Variants in INSR observed in about 807,000 individuals in gnomAD.
INSR encodes the protein IR.
A neutral mutation model predicts 142.6 loss-of-function variants in INSR; 67 were observed. The ratio of observed to expected loss-of-function variants is 0.47; its 90% CI spans 0.39 to 0.58. The LOEUF is 0.58. INSR is among the 20% of genes least tolerant of loss of function. The pLI, the probability that INSR is intolerant of heterozygous loss-of-function variation, is 0.00. For synonymous variants in INSR, 756 were observed against 743.1 expected (o/e 1.02, Z -0.28); for missense variants, 1,248 against 1,833.2 (o/e 0.68, Z 5.83).
At position 7,119,349 on chromosome 19, in the gene INSR, T is replaced by A. The variant is rs1271381824; in HGVS notation, c.3794+100A>T. 1 of 1,340,268 alleles carries A rather than the reference T, an allele frequency of 7.5e-7. No homozygotes were observed. Among genetic ancestry groups the A allele is most frequent in the Admixed American group, 1.7e-5 (1 of 59,534 alleles). 83.0% of individuals were successfully genotyped at this position (1,340,268 alleles called of 1,614,324 possible). A position where few individuals can be genotyped will look rare whatever the true frequency, so the allele number is the denominator to read the frequency against. ...TGTAACATACAGCATGCAAACACGG[T>A]GAGCGTGTAGACATAGGAAAGGCAA... On this transcript the variant is annotated intron_variant, in intron 21 of 21. Coordinates refer to ENST00000302850, the MANE Select transcript of INSR (RefSeq NM_000208.4). The surrounding 1 kb of genome is among the most constrained non-coding windows in gnomAD (Gnocchi z 5.2).
chr19:7,130,810 ATCTC>A (rs1156443486), intron 14 of INSR, among the ~76,000 whole-genome samples: 1 of 147,948 alleles, frequency 6.8e-6, no homozygotes, highest in African/African-American at 2.5e-5. Flanking sequence ...TCTTTCTTTT[ATCTC>A]TCTTTTTCTC....
intron 2 of INSR, among the ~76,000 whole-genome samples, chr19:7,255,360 A>T (rs1368901463): frequency 6.6e-6 from 1 of 152,094 alleles, no homozygotes; most frequent in African/African-American, 2.4e-5. Flanking sequence ...TCATGACGGC[A>T]TTGGAGCCCA....
At position 7,115,410 on chromosome 19, in the gene INSR, T is replaced by G. The variant is rs1400150597; in HGVS notation, c.*1646A>C. 6.6e-6 allele frequency: 1 copy of G among 152,178 alleles called. No homozygotes were observed. The highest frequency in any genetic ancestry group is 1.5e-5 in the Non-Finnish European group (1 of 68,036). The allele number at this position is 152,178 out of a possible 1,614,324, so 9.4% of individuals were successfully genotyped here. On this transcript the variant is annotated 3_prime_UTR_variant, in exon 22 of 22. Coordinates refer to ENST00000302850, the MANE Select transcript of INSR (RefSeq NM_000208.4). ...TCTACTCTCTTAGGGATTGCAACAC[T>G]GTAAGCACCTGAGCATTCAGCTCAG...
At chr19:7,146,368 A>C (rs1262869071) in intron 11 of INSR, among the ~76,000 whole-genome samples, 1 of 151,202 alleles carries the variant, frequency 6.6e-6, no homozygotes. Flanking sequence ...CAGCCTCCCA[A>C]GTAGCTGGGA....
At chr19:7,154,623 C>T (rs1973543223) in intron 9 of INSR, among the ~76,000 whole-genome samples, 1 of 150,696 alleles carries the variant, frequency 6.6e-6, no homozygotes, top group African/African-American at 2.4e-5. Flanking sequence ...TTGCACCAAC[C>T]TAATAGAAAC....
rs190939565 is a variant in INSR at position 7,154,881 on chromosome 19, G to A, written c.2030-1954C>T. 3.6e-4 allele frequency among the ~76,000 whole-genome samples: 55 copies of A among 152,064 alleles called. No individual in the cohort carries two copies. In the East Asian group the frequency reaches 9.1e-3, roughly 25 times the overall value. ...AGAGGTTGCAGTGAGCCGAGATTGA[G>A]CCATTGCACTCCAGCCTAGGCGACA... On this transcript the variant is annotated intron_variant, in intron 9 of 21. Transcript: ENST00000302850.
At position 7,293,882 on chromosome 19, in the gene INSR, C is replaced by G; in HGVS notation, c.10G>C (p.Gly4Arg). 3 of 1,234,884 alleles carry G rather than the reference C, an allele frequency of 2.4e-6. No individual in the cohort carries two copies. The highest frequency in any genetic ancestry group is 2.0e-6 in the Non-Finnish European group (2 of 994,896). The allele number at this position is 1,234,884 out of a possible 1,614,324, so 76.5% of individuals were successfully genotyped here. Residue 4 changes from glycine (G) to arginine (R), a missense_variant, in exon 1 of 22, where the codon GGG becomes CGG. This residue lies in a region of INSR where 57 missense variants were observed against 49.5 expected (regional missense o/e 1.15). Transcript: ENST00000302850. ...GCGGCCGCCGCCCCCCGCCGGCCCCCGGTGGCCATGGCTGCGGGAGCGCGG... is the reference window on the plus strand; with the variant it reads ...GCGGCCGCCGCCCCCCGCCGGCCCCGGGTGGCCATGGCTGCGGGAGCGCGG... MAT[G>R]GRRGAAAAPL...
chr19:7,233,863 A>T (rs2145133329), intron 2 of INSR, among the ~76,000 whole-genome samples: 1 of 149,852 alleles, frequency 6.7e-6, no homozygotes, highest in African/African-American at 2.5e-5. Flanking sequence ...TTTTTAGTAG[A>T]GACAGGGTTT....
rs59739401 is a variant in INSR at position 7,118,914 on chromosome 19, CAAAAAAAAA to C, written c.3794+526_3794+534del. 2.9e-4 allele frequency among the ~76,000 whole-genome samples: 20 copies of C among 68,886 alleles called. 1 individual carries two copies. Among genetic ancestry groups the C allele is most frequent in the East Asian group, 2.5e-3 (6 of 2,442 alleles). The allele number at this position is 68,886 out of a possible 152,430, so 45.2% of individuals were successfully genotyped here. ...TGGGTGACAGAGCAAGATTCCGTCT[CAAAAAAAAA>C]AAAAAAAAAAAAAAAATTAACAGGC... On this transcript the variant is annotated intron_variant, in intron 21 of 21. Coordinates refer to ENST00000302850, the MANE Select transcript of INSR (RefSeq NM_000208.4).
At chr19:7,229,332 A>ATAGATG (rs1568204425) in intron 2 of INSR, among the ~76,000 whole-genome samples, 31 of 81,988 alleles carry the variant, frequency 3.8e-4, no homozygotes, top group East Asian at 1.2e-3. Context: ...ATGGATGGAT[A>ATAGATG]GATGGATGGA....
At chr19:7,257,580 A>G (rs1202258638) in intron 2 of INSR, among the ~76,000 whole-genome samples, 4 of 150,624 alleles carry the variant, frequency 2.7e-5, no homozygotes, top group Non-Finnish European at 4.4e-5. Flanking sequence ...AATTACAACT[A>G]CTGTGGAATT....
At chr19:7,197,586 G>A (rs1206820487) in intron 2 of INSR, among the ~76,000 whole-genome samples, 1 of 148,294 alleles carries the variant, frequency 6.7e-6, no homozygotes, top group Non-Finnish European at 1.5e-5. Context: ...GGGTGTGTGT[G>A]TGTGTGTGTG....
intron 2 of INSR, among the ~76,000 whole-genome samples, chr19:7,241,340 G>A (rs1368205774): frequency 4.6e-5 from 7 of 151,798 alleles, no homozygotes; most frequent in East Asian, 3.9e-4. Context: ...CGCCACCCCC[G>A]GCTAAATTTT....
chr19:7,162,197 G>GC, intron 9 of INSR, among the ~76,000 whole-genome samples: 1 of 151,572 alleles, frequency 6.6e-6, no homozygotes, highest in East Asian at 2.0e-4. Flanking sequence ...TGTGGTGGCA[G>GC]GCGCCTGTAG....
rs553871447 is a variant in INSR, at chr19:7,168,375, G to A, written c.1484-281C>T. Among the ~76,000 whole-genome samples, 15 of 152,280 alleles carry A rather than the reference G, an allele frequency of 9.9e-5. No homozygotes were observed. The highest frequency in any genetic ancestry group is 3.6e-4 in the African/African-American group (15 of 41,550). The stretch of plus-strand genomic sequence containing the variant: ...GCGCAGTCTGTACCCGCGCAAGAAG[G>A]ACAACCGGCCAATAGTTATTGGAGG... On this transcript the variant is annotated intron_variant, in intron 6 of 21. Coordinates refer to ENST00000302850, the MANE Select transcript of INSR (RefSeq NM_000208.4). The surrounding 1 kb of genome is among the most constrained non-coding windows in gnomAD (Gnocchi z 4.3).
chr19:7,197,032 G>A (rs1410480062), intron 2 of INSR, among the ~76,000 whole-genome samples: 1 of 152,170 alleles, frequency 6.6e-6, no homozygotes, highest in Non-Finnish European at 1.5e-5. Context: ...CCTCTAGTTG[G>A]AATCTAGTAA....
chr19:7,222,601 C>T (rs1399765513), intron 2 of INSR, among the ~76,000 whole-genome samples: 1 of 152,068 alleles, frequency 6.6e-6, no homozygotes, highest in Non-Finnish European at 1.5e-5. Context: ...CTACATTGCC[C>T]AGGTTGGTCT....
chr19:7,200,080 G>T (rs945012819), intron 2 of INSR, among the ~76,000 whole-genome samples: 1 of 152,092 alleles, frequency 6.6e-6, no homozygotes, highest in Admixed American at 6.6e-5. Context: ...AGGATGAGAG[G>T]AATAGAAGAT....
intron 2 of INSR, among the ~76,000 whole-genome samples, chr19:7,203,438 G>A (rs1303344380): frequency 6.6e-6 from 1 of 152,154 alleles, no homozygotes; most frequent in Non-Finnish European, 1.5e-5. Flanking sequence ...AGAGAGAACC[G>A]CAGCCTCCAT....
Sources: gnomAD v4.1 joint callset for allele counts (sites outside exome capture counted in the v4.1 genomes callset) on GRCh38, gnomAD v4.1.1 for gene constraint, gnomAD v4.1.1 regional missense constraint, Gnocchi (gnomAD v3.1) non-coding constraint, MANE v1.5 for transcripts, NCBI Gene and HGNC (gene_info 2026-07-23, HGNC 2026-07-21) for gene names.